Variants in ANK3 observed in about 807,000 individuals in gnomAD.
The protein encoded by ANK3 is ankyrin-3.
A neutral mutation model predicts 370.9 loss-of-function variants in ANK3; 57 were observed. The ratio of observed to expected loss-of-function variants is 0.15; its 90% confidence interval spans 0.12 to 0.19. The LOEUF (loss-of-function observed/expected upper bound fraction) is 0.19, where lower values mean the gene tolerates loss of function less well. Ranked by LOEUF, ANK3 falls within the 10% of genes least tolerant of loss-of-function variation. ANK3 has a pLI of 1.00. For synonymous variants in ANK3, 1,929 were observed against 1,946.3 expected, an observed-to-expected ratio of 0.99 and a Z score of 0.23; for missense variants, 4,439 against 5,302.1, an observed-to-expected ratio of 0.84 and a Z score of 5.06.
rs138858281 is a variant in ANK3, at chr10:60,071,721, A to G, written c.9160T>C (p.Phe3054Leu). 34 of 1,597,458 alleles carry G rather than the reference A, an allele frequency of 2.1e-5. No individual in the cohort carries two copies. The African/African-American group carries it at 3.2e-4, about 15-fold the overall frequency. ...SPTKSPDSLE[F>L]SPGKESPSSD... ...GAGGGAGATTCCTTTCCTGGGCTAA[A>G]CTCTAAAGAATCAGGAGATTTGGTG... The change falls in exon 37 of 44, where the codon TTT (phenylalanine) becomes CTT (leucine). Residue 3054 changes from phenylalanine (F) to leucine (L), a missense_variant. Transcript: ENST00000280772.
At chr10:60,442,534 T>C (rs1002107877) in intron 2 of ANK3, among the ~76,000 whole-genome samples, 1 of 152,226 alleles carries the variant, frequency 6.6e-6, no homozygotes, top group African/African-American at 2.4e-5. Flanking sequence ...CTGTGTTTTT[T>C]CCCGAATATT....
intron 1 of ANK3, among the ~76,000 whole-genome samples, chr10:60,698,768 G>T (rs891234313): frequency 9.9e-6 from 1 of 100,822 alleles, no homozygotes; most frequent in Non-Finnish European, 1.9e-5. Context: ...GGGGGGAGGG[G>T]GGAGGGATAG....
chr10:60,680,979 C>T (rs1313734453), intron 1 of ANK3, among the ~76,000 whole-genome samples: 1 of 152,146 alleles, frequency 6.6e-6, no homozygotes, highest in African/African-American at 2.4e-5. Flanking sequence ...AGTGCTTTAT[C>T]TAGGAAGTAA....
intron 1 of ANK3, among the ~76,000 whole-genome samples, chr10:60,378,501 T>C (rs938942655): frequency 1.3e-5 from 2 of 152,072 alleles, no homozygotes; most frequent in Admixed American, 6.6e-5. Context: ...AACAGACACA[T>C]AGACCAATGA....
intron 1 of ANK3, among the ~76,000 whole-genome samples, chr10:60,709,076 A>AAACAAC (rs57666485): frequency 1.3e-5 from 2 of 152,180 alleles, no homozygotes; most frequent in East Asian, 3.9e-4. Flanking sequence ...ATCAAAAACA[A>AAACAAC]AACAACAACA....
chr10:60,730,059 A>C (rs528887925), intron 1 of ANK3, among the ~76,000 whole-genome samples: 1 of 152,238 alleles, frequency 6.6e-6, no homozygotes, highest in Non-Finnish European at 1.5e-5. Context: ...CCATGCATGT[A>C]GATTTTGGAA....
intron 2 of ANK3, among the ~76,000 whole-genome samples, chr10:60,550,789 GC>G (rs956036751): frequency 1.3e-5 from 2 of 152,112 alleles, no homozygotes; most frequent in African/African-American, 4.8e-5. Context: ...ATTTTACTTT[GC>G]GAGTTTTTCA....
At chr10:60,572,235 T>C (rs1389425755) in intron 2 of ANK3, among the ~76,000 whole-genome samples, 2 of 152,294 alleles carry the variant, frequency 1.3e-5, no homozygotes, top group South Asian at 4.1e-4. Flanking sequence ...GTCAGTGAAA[T>C]CTAAATGACT....
chr10:60,359,290 A>T (rs1476350648), intron 1 of ANK3, among the ~76,000 whole-genome samples: 1 of 152,094 alleles, frequency 6.6e-6, no homozygotes, highest in African/African-American at 2.4e-5. Flanking sequence ...TTTGATTGAG[A>T]CCCTGTGATG....
intron 2 of ANK3, among the ~76,000 whole-genome samples, chr10:60,599,170 A>T (rs1398313277): frequency 6.6e-6 from 1 of 152,040 alleles, no homozygotes; most frequent in African/African-American, 2.4e-5. Flanking sequence ...AGCTCAAGTG[A>T]TCCTCTCCCC....
intron 2 of ANK3, among the ~76,000 whole-genome samples, chr10:60,484,570 G>A (rs2075303458): frequency 6.6e-6 from 1 of 152,088 alleles, no homozygotes; most frequent in African/African-American, 2.4e-5. Flanking sequence ...AATCTAGGCT[G>A]TTAATTATCA....
intron 1 of ANK3, among the ~76,000 whole-genome samples, chr10:60,681,536 T>A (rs1241640325): frequency 1.3e-5 from 2 of 152,204 alleles, no homozygotes; most frequent in African/African-American, 4.8e-5. Context: ...TCATTCTCAA[T>A]GTATAGTTCC....
chr10:60,491,945 C>T (rs779740874), intron 2 of ANK3, among the ~76,000 whole-genome samples: 3 of 152,110 alleles, frequency 2.0e-5, no homozygotes, highest in Admixed American at 6.5e-5. Flanking sequence ...GTGATATATA[C>T]GGTCATGCAC....
chr10:60,592,003 A>T (rs1218692767), intron 2 of ANK3, among the ~76,000 whole-genome samples: 1 of 152,200 alleles, frequency 6.6e-6, no homozygotes, highest in Non-Finnish European at 1.5e-5. Context: ...AATAAGACCT[A>T]CTATTTGATA....
At chr10:60,405,777 G>C (rs1471512127) in intron 2 of ANK3, among the ~76,000 whole-genome samples, 1 of 152,136 alleles carries the variant, frequency 6.6e-6, no homozygotes, top group Non-Finnish European at 1.5e-5. Flanking sequence ...TGTATAGAGA[G>C]ATTGACAGAA....
At chr10:60,497,711 C>A (rs2075695256) in intron 2 of ANK3, among the ~76,000 whole-genome samples, 1 of 152,050 alleles carries the variant, frequency 6.6e-6, no homozygotes, top group Non-Finnish European at 1.5e-5. Context: ...GCACTGTAGC[C>A]ATCTATTTTA....
chr10:60,078,402 C>A (rs2084318260), intron 36 of ANK3, among the ~76,000 whole-genome samples: 1 of 152,192 alleles, frequency 6.6e-6, no homozygotes, highest in Non-Finnish European at 1.5e-5. Flanking sequence ...TGCCACGCTG[C>A]AAATGGAAGG....
At chr10:60,687,100 T>A (rs2079278718) in intron 1 of ANK3, among the ~76,000 whole-genome samples, 2 of 152,216 alleles carry the variant, frequency 1.3e-5, no homozygotes, top group Non-Finnish European at 2.9e-5. Context: ...GTAAACTATA[T>A]CATCTAGGTT....
chr10:60,253,829 A>C (rs188066140), intron 7 of ANK3, among the ~76,000 whole-genome samples: 61 of 152,342 alleles, frequency 4.0e-4, no homozygotes, highest in Non-Finnish European at 1.0e-4. Flanking sequence ...AGATAAACCT[A>C]TTAAAAAATA....
Sources: gnomAD v4.1 joint callset for allele counts (sites outside exome capture counted in the v4.1 genomes callset) on GRCh38, gnomAD v4.1.1 for gene constraint, MANE v1.5 for transcripts, NCBI Gene and HGNC (gene_info 2026-07-23, HGNC 2026-07-21) for gene names.